Variants in GSDME observed in about 807,000 individuals in gnomAD.
GSDME encodes the protein gasdermin E.
In GSDME, 44 loss-of-function variants were observed where a neutral mutation model predicts 47.5. The observed-to-expected ratio is 0.93, with a 90% confidence interval of 0.73 to 1.19. GSDME has a LOEUF of 1.19. Ranked by LOEUF, GSDME falls within the 50% of genes most tolerant of loss-of-function variation. The pLI is 0.00. For missense variants in GSDME, 663 were observed against 604.2 expected, an observed-to-expected ratio of 1.10 and a Z score of -1.02; for synonymous variants, 258 against 252.8, an observed-to-expected ratio of 1.02 and a Z score of -0.20.
At chr7:24,751,094 G>A (rs1036532326) in intron 1 of GSDME, among the ~76,000 whole-genome samples, 17 of 152,100 alleles carry the variant, frequency 1.1e-4, no homozygotes, top group African/African-American at 3.9e-4. Context: ...GGCAAACTGA[G>A]AAAATAATTG....
At chr7:24,771,050 A>T in the GSDME span, among the ~76,000 whole-genome samples, 1 of 152,184 alleles carries the variant, frequency 6.6e-6, no homozygotes, top group South Asian at 2.1e-4. This position sits in a 1 kb window ranked among gnomAD's most constrained non-coding sequence, Gnocchi z 4.1. Context: ...CAGGAATATC[A>T]GAGAACACCA....
chr7:24,789,060 T>C, the GSDME span, among the ~76,000 whole-genome samples: 1 of 152,228 alleles, frequency 6.6e-6, no homozygotes. Context: ...TGCAGAGATG[T>C]GACTTTATGT....
At chr7:24,703,085 A>G in intron 8 of GSDME, 1 of 402,596 alleles carries the variant, frequency 2.5e-6, no homozygotes, top group East Asian at 6.0e-5. Flanking sequence ...CAATTTACCA[A>G]ATGGAAAGAA....
At position 24,714,820 on chromosome 7, in the gene GSDME, G is replaced by C. The variant is rs1789486014; in HGVS notation, c.697+2434C>G. On this transcript the variant is annotated intron_variant, in intron 5 of 9. Coordinates refer to ENST00000645220, the MANE Select transcript of GSDME (RefSeq NM_001127453.2). This position sits in a 1 kb window ranked among gnomAD's most constrained non-coding sequence, Gnocchi z 5.0. ...AAGCTCGCATGGGGACCACCACCTA[G>C]AGTGGCAGCCCAGGCCTGGGTCCCC... Among the ~76,000 whole-genome samples, 2 of 152,230 alleles carry C rather than the reference G, an allele frequency of 1.3e-5. No individual in the cohort carries two copies. Among genetic ancestry groups the C allele is most frequent in the South Asian group, 4.1e-4 (2 of 4,830 alleles).
chr7:24,735,764 TAAATAAA>T lies in GSDME; in HGVS notation c.404+8791_404+8797del, dbSNP rs1790285469. On this transcript the variant is annotated intron_variant, in intron 3 of 9. Coordinates refer to ENST00000645220, the MANE Select transcript of GSDME (RefSeq NM_001127453.2). This position sits in a 1 kb window ranked among gnomAD's most constrained non-coding sequence, Gnocchi z 4.4. ...CAACAGCAAAACTCTATCTCAAAAA[TAAATAAA>T]TAAATAAATAAATAAATAAATAAAT... is the stretch of plus-strand genomic sequence containing the variant. Among the ~76,000 whole-genome samples, 2 of 7,124 alleles carry T rather than the reference TAAATAAA, an allele frequency of 2.8e-4. No individual in the cohort carries two copies. Among genetic ancestry groups the T allele is most frequent in the Non-Finnish European group, 6.5e-4 (2 of 3,090 alleles). The allele number at this position is 7,124 out of a possible 152,430, so 4.7% of individuals were successfully genotyped here.
At chr7:24,731,240 A>G (rs1460957627) in intron 3 of GSDME, among the ~76,000 whole-genome samples, 2 of 152,192 alleles carry the variant, frequency 1.3e-5, no homozygotes, top group Non-Finnish European at 2.9e-5. Context: ...TAAGAATCAA[A>G]TCAACATCTC....
At chr7:24,758,229 G>C, upstream of GSDME, 2 of 152,302 alleles carry the variant, frequency 1.3e-5, no homozygotes, top group East Asian at 3.8e-4. This position sits in a 1 kb window ranked among gnomAD's most constrained non-coding sequence, Gnocchi z 4.6. Flanking sequence ...GCGTGTGCAA[G>C]AGGGAAAGCT....
intron 9 of GSDME, among the ~76,000 whole-genome samples, chr7:24,700,112 C>T (rs998792267): frequency 2.6e-5 from 4 of 152,102 alleles, no homozygotes; most frequent in African/African-American, 4.8e-5. Flanking sequence ...TTATGTTACT[C>T]CATTATGTTG....
chr7:24,738,367 C>A (rs1331135112), intron 3 of GSDME, among the ~76,000 whole-genome samples: 1 of 152,074 alleles, frequency 6.6e-6, no homozygotes, highest in Non-Finnish European at 1.5e-5. Context: ...GAAATAATCC[C>A]ATTTACAATA....
At chr7:24,747,450 A>G (rs925633409) in intron 2 of GSDME, among the ~76,000 whole-genome samples, 1 of 152,240 alleles carries the variant, frequency 6.6e-6, no homozygotes, top group African/African-American at 2.4e-5. Flanking sequence ...GAGCTGAAAG[A>G]GGATTCAGAC....
rs1789978542 is a variant in GSDME, at chr7:24,726,710, G to A, written c.405-7492C>T. 6.6e-6 allele frequency among the ~76,000 whole-genome samples: 1 copy of A among 151,866 alleles called. No individual in the cohort carries two copies. Among genetic ancestry groups the A allele is most frequent in the Non-Finnish European group, 1.5e-5 (1 of 67,986 alleles). ...TAGTCCTGGCTACTCGGGAGGCTGAGGCAGAAGAATGGCGTTAACCCGGGA... is the reference window on the plus strand; with the variant it reads ...TAGTCCTGGCTACTCGGGAGGCTGAAGCAGAAGAATGGCGTTAACCCGGGA... On this transcript the variant is annotated intron_variant, in intron 3 of 9. Coordinates refer to ENST00000645220, the MANE Select transcript of GSDME (RefSeq NM_001127453.2). The surrounding 1 kb of genome is among the most constrained non-coding windows in gnomAD (Gnocchi z 5.6).
chr7:24,789,261 G>GAC, the GSDME span, among the ~76,000 whole-genome samples: 23,508 of 149,482 alleles, frequency 0.16, 2,079 homozygotes, highest in East Asian at 0.43. Context: ...TTCACATTAG[G>GAC]ACACACACAC....
At chr7:24,757,822 G>C (rs1489471579), upstream of GSDME, 1 of 152,344 alleles carries the variant, frequency 6.6e-6, no homozygotes. This position sits in a 1 kb window ranked among gnomAD's most constrained non-coding sequence, Gnocchi z 5.9. Context: ...TCGCGGGGCC[G>C]AACCCGCCAC....
chr7:24,765,767 A>G, the GSDME span, among the ~76,000 whole-genome samples: 20,058 of 152,256 alleles, frequency 0.13, 1,428 homozygotes, highest in Middle Eastern at 0.2. Context: ...TATCTATAAT[A>G]CCCACATTTT....
the GSDME span, among the ~76,000 whole-genome samples, chr7:24,785,306 G>C: frequency 6.6e-6 from 1 of 152,128 alleles, no homozygotes; most frequent in African/African-American, 2.4e-5. Flanking sequence ...TGTACCTTGA[G>C]TTGCAATTTC....
the GSDME span, among the ~76,000 whole-genome samples, chr7:24,778,107 CTG>C: frequency 6.7e-6 from 1 of 149,362 alleles, no homozygotes; most frequent in Non-Finnish European, 1.5e-5. This position sits in a 1 kb window ranked among gnomAD's most constrained non-coding sequence, Gnocchi z 5.6. Context: ...GAGAGAAAGA[CTG>C]TGTATGTGCA....
chr7:24,713,181 T>C (rs967318692), intron 5 of GSDME, among the ~76,000 whole-genome samples: 1 of 152,156 alleles, frequency 6.6e-6, no homozygotes, highest in Non-Finnish European at 1.5e-5. Flanking sequence ...GGGCAGAGCA[T>C]ATGATGGAAA....
At chr7:24,703,179 C>A in intron 8 of GSDME, 1 of 354,716 alleles carries the variant, frequency 2.8e-6, no homozygotes, top group South Asian at 2.2e-5. Flanking sequence ...ATGTTTGAGA[C>A]CCTCCACACA....
Position 24,708,121 on chromosome 7 carries a change from G to T in GSDME, c.990+6C>A. ...AAACACTGCCTTGAGATGTCTCAGG[G>T]CTCACCACTGGTTCCAGGACCATGA... On this transcript the variant is annotated splice_donor_region_variant and intron_variant, in intron 7 of 9. Transcript: ENST00000645220. 6.2e-7 allele frequency: 1 copy of T among 1,614,114 alleles called. No individual in the cohort carries two copies. Among genetic ancestry groups the T allele is most frequent in the Non-Finnish European group, 8.5e-7 (1 of 1,180,012 alleles).
Sources: gnomAD v4.1 joint callset for allele counts (sites outside exome capture counted in the v4.1 genomes callset) on GRCh38, gnomAD v4.1.1 for gene constraint, Gnocchi (gnomAD v3.1) non-coding constraint, MANE v1.5 for transcripts, NCBI Gene and HGNC (gene_info 2026-07-23, HGNC 2026-07-21) for gene names.